SRPK1: variants seen among roughly 807,000 people sequenced by gnomAD.
SRPK1 encodes the protein SRSF protein kinase 1.
SRPK1 carries 52 observed loss-of-function variants against 89.5 expected under a neutral mutation model. That is an observed-to-expected ratio of 0.58 (90% CI 0.46 to 0.73). The LOEUF is 0.73. Ranked by LOEUF, SRPK1 falls within the 30% of genes least tolerant of loss-of-function variation. The pLI, the probability that SRPK1 is intolerant of heterozygous loss-of-function variation, is 0.00. For synonymous variants in SRPK1, 255 were observed against 270.2 expected, an observed-to-expected ratio of 0.94 and a Z score of 0.55; for missense variants, 603 against 780.6, an observed-to-expected ratio of 0.77 and a Z score of 2.71.
chr6:35,905,993 C>T (rs921118959), intron 2 of SRPK1, among the ~76,000 whole-genome samples: 1 of 152,020 alleles, frequency 6.6e-6, no homozygotes, highest in Non-Finnish European at 1.5e-5. Flanking sequence ...ATTATGGTCT[C>T]CAAATACCAT....
chr6:35,889,109 C>T (rs1204934017), intron 3 of SRPK1, among the ~76,000 whole-genome samples, 186 bp from the exon 4 acceptor site: 1 of 151,988 alleles, frequency 6.6e-6, no homozygotes, highest in Non-Finnish European at 1.5e-5. Flanking sequence ...TTACTGAATT[C>T]ATGTTATTAA....
At chr6:35,847,556 G>A (rs923997536) in intron 13 of SRPK1, among the ~76,000 whole-genome samples, 7 of 152,004 alleles carry the variant, frequency 4.6e-5, no homozygotes, top group South Asian at 2.1e-4. Context: ...GCAAAAACCC[G>A]TTAGGACTAA....
At chr6:35,863,427 T>C (rs1582002440) in intron 12 of SRPK1, among the ~76,000 whole-genome samples, 1 of 149,244 alleles carries the variant, frequency 6.7e-6, no homozygotes, top group South Asian at 2.1e-4. Context: ...ACCTCATTTC[T>C]ACCTGGGCAA....
chr6:35,920,193 T>C (rs1771199683), intron 2 of SRPK1: 1 of 567,786 alleles, frequency 1.8e-6, no homozygotes, highest in African/African-American at 1.9e-5. Context: ...GTGCCTCCTC[T>C]GTGGAGTTGG....
At chr6:35,885,078 C>G (rs1770373752) in intron 6 of SRPK1, among the ~76,000 whole-genome samples, 1 of 152,062 alleles carries the variant, frequency 6.6e-6, no homozygotes, top group Admixed American at 6.6e-5. Context: ...AGGTACTCAG[C>G]ATTACTGGGG....
intron 2 of SRPK1, among the ~76,000 whole-genome samples, chr6:35,906,852 G>A (rs1196585482): frequency 6.6e-6 from 1 of 152,034 alleles, no homozygotes; most frequent in Non-Finnish European, 1.5e-5. Flanking sequence ...CCACTCTAAT[G>A]GACTAAACCA....
chr6:35,861,417 C>T (rs949428781), intron 12 of SRPK1, among the ~76,000 whole-genome samples: 2 of 152,186 alleles, frequency 1.3e-5, no homozygotes, highest in Admixed American at 1.3e-4. Context: ...TAAGCGGCTT[C>T]AGCTGGGTGC....
chr6:35,892,286 C>G (rs1038304646), intron 2 of SRPK1, among the ~76,000 whole-genome samples: 2 of 152,116 alleles, frequency 1.3e-5, no homozygotes, highest in African/African-American at 4.8e-5. Context: ...CTGAGAAGTT[C>G]AAGCAGCATA....
intron 12 of SRPK1, among the ~76,000 whole-genome samples, chr6:35,868,273 C>A (rs111769919): frequency 6.6e-6 from 1 of 152,098 alleles, no homozygotes; most frequent in East Asian, 1.9e-4. Context: ...CATGAGCCAC[C>A]GTGCCTGGCT....
chr6:35,884,253 T>C (rs1405585377), intron 6 of SRPK1, among the ~76,000 whole-genome samples: 1 of 152,060 alleles, frequency 6.6e-6, no homozygotes, highest in East Asian at 1.9e-4. Flanking sequence ...ATGTCAACAT[T>C]ATATAGAGAA....
chr6:35,865,590 A>C (rs1769878779), intron 12 of SRPK1, among the ~76,000 whole-genome samples: 1 of 152,244 alleles, frequency 6.6e-6, no homozygotes, highest in Non-Finnish European at 1.5e-5. Flanking sequence ...TAGTATTAAA[A>C]TAGATACACA....
intron 2 of SRPK1, among the ~76,000 whole-genome samples, chr6:35,916,710 AATCAGTAAGTATG>A (rs1474689873): frequency 1.3e-5 from 2 of 152,238 alleles, no homozygotes; most frequent in Non-Finnish European, 2.9e-5. Flanking sequence ...TAAGTAATAA[AATCAGTAAGTATG>A]AAATCCATTC....
intron 4 of SRPK1, 108 bp from the exon 5 acceptor site, chr6:35,888,219 C>A: frequency 3.3e-6 from 2 of 611,364 alleles, no homozygotes; most frequent in South Asian, 3.1e-5. Flanking sequence ...TTTCACGTTT[C>A]CCTGTAGCCC....
At chr6:35,836,296 C>T (rs2859421) in intron 15 of SRPK1, among the ~76,000 whole-genome samples, 34 of 152,102 alleles carry the variant, frequency 2.2e-4, no homozygotes, top group African/African-American at 7.0e-4. Flanking sequence ...CCCAACCCCC[C>T]CATCCATTGA....
intron 2 of SRPK1, among the ~76,000 whole-genome samples, chr6:35,918,724 T>C (rs1771166360): frequency 6.6e-6 from 1 of 152,152 alleles, no homozygotes; most frequent in African/African-American, 2.4e-5. Flanking sequence ...TTAACACAAA[T>C]AACTCTAAGT....
At chr6:35,905,046 C>G in intron 2 of SRPK1, 1 of 390,434 alleles carries the variant, frequency 2.6e-6, no homozygotes, top group Non-Finnish European at 5.0e-6. Flanking sequence ...ACTCCAGAGG[C>G]TGAGGCAGAG....
Position 35,899,076 on chromosome 6 carries a change from G to A in SRPK1, c.75-8063C>T, listed in dbSNP as rs184517578. On this transcript the variant is annotated intron_variant, in intron 2 of 15. Transcript: ENST00000373825. ...CTCAGGAGGTTGAGGCAGGAGAATC[G>A]CTTGAACCTGGGACGTGGAAGTTGT... Among the ~76,000 whole-genome samples, 569 of 152,114 alleles carry A rather than the reference G, an allele frequency of 3.7e-3. 1 individual carries two copies. The highest frequency in any genetic ancestry group is 0.013 in the African/African-American group (532 of 41,486).
rs1769124777 is a variant in SRPK1 at position 35,834,168 on chromosome 6, A to G, written c.*1136T>C. The stretch of plus-strand genomic sequence containing the variant: ...AAATAACGAACCAACCAACCAAAAA[A>G]CAAAACAAAACAAGACCAACAAAAA... On this transcript the variant is annotated 3_prime_UTR_variant, in exon 16 of 16. Transcript: ENST00000373825. 1 of 152,542 alleles carries G rather than the reference A, an allele frequency of 6.6e-6. No individual in the cohort carries two copies. The highest frequency in any genetic ancestry group is 1.5e-5 in the Non-Finnish European group (1 of 68,030). 9.4% of individuals were successfully genotyped at this position (152,542 alleles called of 1,614,324 possible).
intron 13 of SRPK1, among the ~76,000 whole-genome samples, chr6:35,847,424 G>A (rs1201556667): frequency 6.6e-6 from 1 of 152,054 alleles, no homozygotes; most frequent in Non-Finnish European, 1.5e-5. Flanking sequence ...ATCCAGGCTG[G>A]TCTCAACTCC....
Sources: allele counts gnomAD v4.1 joint callset (sites outside exome capture counted in the v4.1 genomes callset), GRCh38; gene constraint gnomAD v4.1.1; transcripts MANE v1.5; gene names NCBI Gene and HGNC (gene_info 2026-07-23, HGNC 2026-07-21).